The following DSCAM variants were observed in gnomAD, a reference collection of about 807,000 sequenced individuals.
The protein encoded by DSCAM is cell adhesion molecule DSCAM.
Under a neutral mutation model 217.7 loss-of-function variants are expected in DSCAM, and 47 were observed. That is an observed-to-expected ratio of 0.22 (90% confidence interval 0.17 to 0.28). The LOEUF is 0.28. Ranked by LOEUF, DSCAM falls within the 10% of genes least tolerant of loss-of-function variation. The pLI, the probability that DSCAM is intolerant of heterozygous loss-of-function variation, is 1.00. For synonymous variants in DSCAM, 1,056 were observed against 1,015.3 expected (o/e 1.04, Z -0.76); for missense variants, 2,080 against 2,618.3 (o/e 0.79, Z 4.49).
intron 3 of DSCAM, chr21:40,621,440 A>T (rs1351269881): frequency 6.6e-6 from 1 of 152,150 alleles, no homozygotes; most frequent in Non-Finnish European, 1.5e-5. Context: ...TTAGGAAAGT[A>T]TAAATTCCCA....
chr21:40,288,613 AT>A (rs1225349692), intron 10 of DSCAM, among the ~76,000 whole-genome samples: 25 of 152,368 alleles, frequency 1.6e-4, no homozygotes, highest in African/African-American at 5.8e-4. Context: ...AGACTCCAGT[AT>A]TCACATTTTC....
chr21:40,613,761 C>T (rs1451666796), intron 3 of DSCAM, among the ~76,000 whole-genome samples: 32 of 151,168 alleles, frequency 2.1e-4, no homozygotes, highest in Admixed American at 2.1e-3. Flanking sequence ...AGCTGCTCAC[C>T]ACAGGGAATC....
rs1244685654 is a variant in DSCAM at position 40,342,626 on chromosome 21, GTATATA to G, written c.1211-3217_1211-3212del. Among the ~76,000 whole-genome samples the G allele has an allele frequency of 5.0e-3, 474 of 94,718 alleles. 13 individuals are homozygous for G. Among genetic ancestry groups the G allele is most frequent in the African/African-American group, 0.022 (442 of 19,940 alleles). 62.1% of individuals were successfully genotyped at this position (94,718 alleles called of 152,430 possible). ...TATGTGTATATGTGTGTGTGTGTGT[GTATATA>G]TATATATATATATATATTTTTTTTT... On this transcript the variant is annotated intron_variant, in intron 6 of 32. Coordinates refer to ENST00000400454, the MANE Select transcript of DSCAM (RefSeq NM_001389.5).
At chr21:40,297,529 T>C (rs2073968448) in intron 9 of DSCAM, among the ~76,000 whole-genome samples, 1 of 152,156 alleles carries the variant, frequency 6.6e-6, no homozygotes, top group Admixed American at 6.6e-5. Context: ...GACATAAATG[T>C]GAGCCTATGT....
chr21:40,478,848 G>A (rs2075959183), intron 3 of DSCAM, among the ~76,000 whole-genome samples: 1 of 151,978 alleles, frequency 6.6e-6, no homozygotes, highest in African/African-American at 2.4e-5. Context: ...CTGTGACAAA[G>A]TTTAATTTAT....
At chr21:40,763,023 A>C (rs1329712289) in intron 1 of DSCAM, among the ~76,000 whole-genome samples, 1 of 152,230 alleles carries the variant, frequency 6.6e-6, no homozygotes, top group Non-Finnish European at 1.5e-5. Flanking sequence ...TTCCCTTTGA[A>C]AACTGGCACA....
intron 3 of DSCAM, among the ~76,000 whole-genome samples, chr21:40,623,160 C>T (rs538068660): frequency 8.5e-5 from 13 of 152,104 alleles, no homozygotes; most frequent in African/African-American, 3.1e-4. Flanking sequence ...CAGAATGCAT[C>T]ATTTTCAAAG....
intron 28 of DSCAM, among the ~76,000 whole-genome samples, chr21:40,061,225 C>T (rs2089114203): frequency 6.6e-6 from 1 of 152,192 alleles, no homozygotes. Flanking sequence ...CTCTATCTTC[C>T]TAATCTTGGC....
chr21:40,516,479 C>T (rs2146075028), intron 3 of DSCAM, among the ~76,000 whole-genome samples: 2 of 152,216 alleles, frequency 1.3e-5, no homozygotes, highest in Admixed American at 1.3e-4. Flanking sequence ...CAGTTGGCAT[C>T]CAGTCAGTTT....
chr21:40,045,283 G>A lies in DSCAM; in HGVS notation c.5186-1008C>T, dbSNP rs189602801. Among the ~76,000 whole-genome samples, 44 of 152,270 alleles carry A rather than the reference G, an allele frequency of 2.9e-4. No individual in the cohort carries two copies. The East Asian group carries it at 6.0e-3, about 21-fold the overall frequency. Reference sequence around the variant, plus strand: ...TAAGTTGAAAGCTCCTAAAGCAGAGGGACCATATTTTTATGTCCCAACTCT... The same window carrying A: ...TAAGTTGAAAGCTCCTAAAGCAGAGAGACCATATTTTTATGTCCCAACTCT... On this transcript the variant is annotated intron_variant, in intron 30 of 32. Coordinates refer to ENST00000400454, the MANE Select transcript of DSCAM (RefSeq NM_001389.5).
At chr21:40,771,694 T>C (rs535892565) in intron 1 of DSCAM, among the ~76,000 whole-genome samples, 1 of 152,350 alleles carries the variant, frequency 6.6e-6, no homozygotes, top group African/African-American at 2.4e-5. Context: ...GTGGGGAACC[T>C]TGAACAATTC....
intron 3 of DSCAM, among the ~76,000 whole-genome samples, chr21:40,508,732 CAA>C: frequency 4.0e-5 from 3 of 75,588 alleles, no homozygotes; most frequent in Non-Finnish European, 7.5e-5. Context: ...CCACACCCGG[CAA>C]ATATATATAT....
chr21:40,067,480 G>A (rs553938999), intron 27 of DSCAM, among the ~76,000 whole-genome samples: 53 of 152,242 alleles, frequency 3.5e-4, no homozygotes, highest in African/African-American at 1.3e-3. Context: ...TTTAAGTGGT[G>A]GAGATCTTTC....
Position 40,708,630 on chromosome 21 carries a change from G to T in DSCAM, c.185C>A (p.Thr62Lys), listed in dbSNP as rs577827734. 6.2e-6 allele frequency: 10 copies of T among 1,613,086 alleles called. No homozygotes were observed. The South Asian group carries it at 9.9e-5, about 16-fold the overall frequency. Reference protein sequence around the residue: ...PPVTLRWYLATGEEIYDVPGI... With the variant: ...PPVTLRWYLAKGEEIYDVPGI... Reference sequence around the variant, plus strand: ...GGGGACATCGTAGATCTCCTCGCCCGTGGCTAGGTACCATCTGAGAGTCAC... The same window carrying T: ...GGGGACATCGTAGATCTCCTCGCCCTTGGCTAGGTACCATCTGAGAGTCAC... Residue 62 changes from threonine to lysine, a missense_variant, in exon 2 of 33, where the codon ACG (threonine) becomes AAG (lysine). Transcript: ENST00000400454.
intron 8 of DSCAM, among the ~76,000 whole-genome samples, chr21:40,325,414 G>C (rs1316434319): frequency 6.6e-6 from 1 of 152,068 alleles, no homozygotes; most frequent in Non-Finnish European, 1.5e-5. Context: ...CAAAAATAGA[G>C]ACATAGAACA....
intron 3 of DSCAM, among the ~76,000 whole-genome samples, chr21:40,665,086 G>A (rs1353489044): frequency 6.6e-6 from 1 of 152,178 alleles, no homozygotes; most frequent in Non-Finnish European, 1.5e-5. Context: ...GCACATGTTG[G>A]TGCCAGGCTT....
At chr21:40,371,917 A>G (rs1454674273) in intron 3 of DSCAM, among the ~76,000 whole-genome samples, 1 of 152,224 alleles carries the variant, frequency 6.6e-6, no homozygotes, top group Non-Finnish European at 1.5e-5. Flanking sequence ...CCTCAGGCAT[A>G]AATGGGTTAA....
At chr21:40,652,377 A>G (rs2090026416) in intron 3 of DSCAM, among the ~76,000 whole-genome samples, 1 of 152,140 alleles carries the variant, frequency 6.6e-6, no homozygotes, top group African/African-American at 2.4e-5. Flanking sequence ...TTCTAGCTAT[A>G]AGAATCCTGC....
Position 40,178,988 on chromosome 21 carries a change from G to C in DSCAM, c.2886C>G (p.Ala962=), listed in dbSNP as rs769658256. The C allele has an allele frequency of 1.9e-6, 3 of 1,614,070 alleles. No homozygotes were observed. The highest frequency in any genetic ancestry group is 2.5e-6 in the Non-Finnish European group (3 of 1,180,006). The part of the protein sequence containing the change: ...PSSTYSIRMY[A]KNRIGKSEPS... ...GCTCGCTCTTGCCAATCCGGTTCTT[G>C]GCGTACATGCGGATGCTGTAGGTGG... Residue 962 remains alanine, a synonymous_variant, in exon 15 of 33, where the codon GCC becomes GCG. Coordinates refer to ENST00000400454, the MANE Select transcript of DSCAM (RefSeq NM_001389.5).
Sources: gnomAD v4.1 joint callset for allele counts (sites outside exome capture counted in the v4.1 genomes callset) on GRCh38, gnomAD v4.1.1 for gene constraint, MANE v1.5 for transcripts, NCBI Gene and HGNC (gene_info 2026-07-23, HGNC 2026-07-21) for gene names.